RANBP2: variants seen among roughly 807,000 people sequenced by gnomAD.
RANBP2 encodes the protein E3 SUMO-protein ligase RanBP2.
RANBP2 carries 57 observed loss-of-function variants against 303.6 expected under a neutral mutation model. The ratio of observed to expected loss-of-function variants is 0.19; its 90% CI spans 0.15 to 0.23. RANBP2 has a LOEUF of 0.23. RANBP2 is among the 10% of genes least tolerant of loss of function. The probability of loss-of-function intolerance (pLI) is 1.00; values close to 1 mark genes in which losing one functional copy is unlikely to be tolerated. For missense variants in RANBP2, 3,138 were observed against 3,780.8 expected, an observed-to-expected ratio of 0.83 and a Z score of 4.46; for synonymous variants, 1,167 against 1,301.5, an observed-to-expected ratio of 0.90 and a Z score of 2.23.
intron 6 of RANBP2, among the ~76,000 whole-genome samples, chr2:108,737,166 C>G (rs2149135700): frequency 6.6e-6 from 1 of 152,172 alleles, no homozygotes; most frequent in East Asian, 1.9e-4. Context: ...AGGGTAAGAG[C>G]AGTATCTAAA....
chr2:108,839,417 T>G, the RANBP2 span: 6 of 823,094 alleles, frequency 7.3e-6, no homozygotes, highest in Admixed American at 1.1e-4. Context: ...TAATCTTCCC[T>G]ATCTATGTCT....
At chr2:108,948,717 G>A in the RANBP2 span, among the ~76,000 whole-genome samples, 1 of 152,146 alleles carries the variant, frequency 6.6e-6, no homozygotes, top group African/African-American at 2.4e-5. Flanking sequence ...GGGGAAAACT[G>A]CTCCCATGAT....
chr2:109,582,885 G>A, the RANBP2 span, among the ~76,000 whole-genome samples: 3 of 152,184 alleles, frequency 2.0e-5, no homozygotes, highest in South Asian at 6.2e-4. Flanking sequence ...ACACCTACAG[G>A]CATCTGATCT....
chr2:108,977,015 C>T, the RANBP2 span, among the ~76,000 whole-genome samples: 1 of 152,072 alleles, frequency 6.6e-6, no homozygotes, highest in Non-Finnish European at 1.5e-5. Context: ...TCTGAGGGTG[C>T]CCCAAATACC....
chr2:109,130,027 TC>T, the RANBP2 span: 3 of 1,333,060 alleles, frequency 2.3e-6, no homozygotes, highest in Non-Finnish European at 2.9e-6. Flanking sequence ...CACCCCGGGT[TC>T]CCCGGTTTTC....
At chr2:109,356,697 C>T in the RANBP2 span, among the ~76,000 whole-genome samples, 1 of 152,200 alleles carries the variant, frequency 6.6e-6, no homozygotes, top group Admixed American at 6.5e-5. Flanking sequence ...ATGGCCAACT[C>T]CTGGCCTGTG....
At chr2:108,930,957 C>A in the RANBP2 span, 1 of 1,613,852 alleles carries the variant, frequency 6.2e-7, no homozygotes, top group African/African-American at 1.3e-5. Context: ...GGGCTCAGAC[C>A]ACTTACCACC....
At chr2:108,966,256 G>A in the RANBP2 span, among the ~76,000 whole-genome samples, 9 of 152,180 alleles carry the variant, frequency 5.9e-5, no homozygotes, top group Admixed American at 2.0e-4. Flanking sequence ...CTCAAGTTCC[G>A]TCTTTGTCAT....
the RANBP2 span, among the ~76,000 whole-genome samples, chr2:109,092,823 A>C: frequency 2.0e-5 from 3 of 152,208 alleles, no homozygotes; most frequent in Non-Finnish European, 4.4e-5. Context: ...GGCTGTAGCA[A>C]ATCTGCTGTA....
At chr2:109,254,132 C>T in the RANBP2 span, among the ~76,000 whole-genome samples, 1 of 152,128 alleles carries the variant, frequency 6.6e-6, no homozygotes, top group African/African-American at 2.4e-5. Context: ...CTCACCAACC[C>T]CTCTAGCAAG....
At chr2:109,345,153 C>T in the RANBP2 span, among the ~76,000 whole-genome samples, 1 of 152,172 alleles carries the variant, frequency 6.6e-6, no homozygotes, top group South Asian at 2.1e-4. Context: ...GTGGAAGATG[C>T]CTCAGTCTCT....
the RANBP2 span, among the ~76,000 whole-genome samples, chr2:109,381,803 G>A: frequency 7.6e-4 from 115 of 151,608 alleles, no homozygotes; most frequent in Admixed American, 3.4e-3. Flanking sequence ...TTTATGGCTC[G>A]CAGGGTCTGT....
At chr2:109,096,513 T>C in the RANBP2 span, among the ~76,000 whole-genome samples, 10 of 152,316 alleles carry the variant, frequency 6.6e-5, no homozygotes, top group South Asian at 2.1e-4. Flanking sequence ...CTTGAGAAGA[T>C]GGTTTTATAA....
chr2:109,483,490 G>A, the RANBP2 span, among the ~76,000 whole-genome samples: 2 of 152,158 alleles, frequency 1.3e-5, no homozygotes, highest in Non-Finnish European at 2.9e-5. Flanking sequence ...GGCACCTTCC[G>A]CCTGTTTTCC....
At chr2:109,261,670 G>A in the RANBP2 span, among the ~76,000 whole-genome samples, 2 of 152,186 alleles carry the variant, frequency 1.3e-5, no homozygotes, top group African/African-American at 2.4e-5. Flanking sequence ...GCCCCATGAC[G>A]ACAGGTAAAG....
the RANBP2 span, among the ~76,000 whole-genome samples, chr2:109,521,010 A>G: frequency 6.6e-6 from 1 of 151,328 alleles, no homozygotes; most frequent in Non-Finnish European, 1.5e-5. Context: ...CGGGCAGATC[A>G]CGAGGTCAGG....
the RANBP2 span, among the ~76,000 whole-genome samples, chr2:109,601,638 T>C: frequency 5.9e-5 from 9 of 152,188 alleles, no homozygotes; most frequent in African/African-American, 2.2e-4. Flanking sequence ...GTCATGTGTA[T>C]CATAAATATC....
At chr2:109,042,691 G>T in the RANBP2 span, among the ~76,000 whole-genome samples, 7 of 152,230 alleles carry the variant, frequency 4.6e-5, no homozygotes, top group South Asian at 1.5e-3. Context: ...ATAGTTTATT[G>T]TATTTTCTGG....
chr2:108,847,810 T>C, the RANBP2 span, among the ~76,000 whole-genome samples: 1 of 152,214 alleles, frequency 6.6e-6, no homozygotes, highest in Non-Finnish European at 1.5e-5. Flanking sequence ...TTACTCCCGA[T>C]GGTATGGAAT....
Sources: gnomAD v4.1 joint callset for allele counts (sites outside exome capture counted in the v4.1 genomes callset) on GRCh38, gnomAD v4.1.1 for gene constraint, MANE v1.5 for transcripts, NCBI Gene and HGNC (gene_info 2026-07-23, HGNC 2026-07-21) for gene names.